The following NCOA7 variants were observed in gnomAD, a reference collection of about 807,000 sequenced individuals.
NCOA7 encodes the protein 140 kDa estrogen receptor-associated protein.
In NCOA7, 45 loss-of-function variants were observed where a neutral mutation model predicts 104.3. The observed-to-expected ratio is 0.43, with a 90% confidence interval of 0.34 to 0.55. NCOA7 has a LOEUF of 0.55. Ranked by LOEUF, NCOA7 falls within the 20% of genes least tolerant of loss-of-function variation. The probability of loss-of-function intolerance (pLI) is 0.02; values close to 1 mark genes in which losing one functional copy is unlikely to be tolerated. For missense variants in NCOA7, 1,041 were observed against 1,119.7 expected, an observed-to-expected ratio of 0.93 and a Z score of 1.00; for synonymous variants, 398 against 402.3, an observed-to-expected ratio of 0.99 and a Z score of 0.13.
At chr6:125,862,095 G>A (rs1327327549) in intron 3 of NCOA7, among the ~76,000 whole-genome samples, 4 of 130,752 alleles carry the variant, frequency 3.1e-5, no homozygotes, top group East Asian at 2.2e-4. Flanking sequence ...TAGGGGAGAC[G>A]TGAATGAAGA....
rs1182817638 is a variant in NCOA7 at position 125,827,449 on chromosome 6, A to G, written c.50+12045A>G. ...ATAGCAGACATTAAAGAAGAACATC[A>G]AATCCATATGTCATTATAAATGGCT... On this transcript the variant is annotated intron_variant, in intron 2 of 15. Transcript: ENST00000392477. 3.3e-5 allele frequency among the ~76,000 whole-genome samples: 5 copies of G among 152,178 alleles called. No individual in the cohort carries two copies. The South Asian group carries it at 6.2e-4, about 19-fold the overall frequency.
At chr6:125,808,997 A>G (rs574871962) in intron 1 of NCOA7, among the ~76,000 whole-genome samples, 9 of 152,358 alleles carry the variant, frequency 5.9e-5, no homozygotes, top group Admixed American at 3.9e-4. Flanking sequence ...TCATTTTGCC[A>G]TGCAAAGATG....
intron 10 of NCOA7, among the ~76,000 whole-genome samples, chr6:125,898,108 T>G (rs977217620): frequency 8.5e-5 from 13 of 152,226 alleles, no homozygotes; most frequent in African/African-American, 3.1e-4. Flanking sequence ...ATTTTTCAAC[T>G]CTCTTTCTAT....
At position 125,839,552 on chromosome 6, in the gene NCOA7, G is replaced by A. The variant is rs183541246; in HGVS notation, c.51-15468G>A. On this transcript the variant is annotated intron_variant, in intron 2 of 15. Transcript: ENST00000392477. ...GGCTAGACCCCATCTAGAAGCTCTC[G>A]AGGCACCTCCCTCCCTCCGCAGCTT... Among the ~76,000 whole-genome samples, 179 of 152,108 alleles carry A rather than the reference G, an allele frequency of 1.2e-3. 1 individual carries two copies. The highest frequency in any genetic ancestry group is 1.4e-3 in the Non-Finnish European group (97 of 68,008).
At chr6:125,860,047 T>C (rs1046993906) in intron 3 of NCOA7, among the ~76,000 whole-genome samples, 4 of 152,192 alleles carry the variant, frequency 2.6e-5, no homozygotes, top group African/African-American at 9.7e-5. Flanking sequence ...ATCCAACACC[T>C]AGCGCAGCAC....
chr6:125,925,819 G>A (rs1001066372), intron 13 of NCOA7, among the ~76,000 whole-genome samples: 4 of 152,032 alleles, frequency 2.6e-5, no homozygotes, highest in Non-Finnish European at 5.9e-5. Context: ...ATTGCTAAAT[G>A]TATTACATTT....
Position 125,893,589 on chromosome 6 carries a change from G to T in NCOA7, c.2096+2779G>T, listed in dbSNP as rs146449610. On this transcript the variant is annotated intron_variant, in intron 10 of 15. Transcript: ENST00000392477. ...AATCTACCAAGTAAGACCATGGAGA[G>T]GGCGGGGCTGTGGGGGGGCCAGAGG... Among the ~76,000 whole-genome samples the T allele has an allele frequency of 1.1e-3, 162 of 152,220 alleles. 1 individual carries two copies. The highest frequency in any genetic ancestry group is 3.7e-3 in the African/African-American group (154 of 41,538).
At chr6:125,918,368 T>G (rs1787261695) in intron 11 of NCOA7, among the ~76,000 whole-genome samples, 1 of 152,202 alleles carries the variant, frequency 6.6e-6, no homozygotes, top group South Asian at 2.1e-4. Context: ...TTGCTGGCAT[T>G]CTGTCCCAGG....
At position 125,869,401 on chromosome 6, in the gene NCOA7, A is replaced by C. The variant is rs980322150; in HGVS notation, c.272-5488A>C. 9.2e-5 allele frequency among the ~76,000 whole-genome samples: 14 copies of C among 151,964 alleles called. 1 individual carries two copies. Among genetic ancestry groups the C allele is most frequent in the Admixed American group, 6.6e-5 (1 of 15,258 alleles). The stretch of plus-strand genomic sequence containing the variant: ...TCAAAAATCTCTTATTTGAATCTCA[A>C]TTTCTTTTTTTGTCTTTTCCCACAG... On this transcript the variant is annotated intron_variant, in intron 3 of 15. Coordinates refer to ENST00000392477, the MANE Select transcript of NCOA7 (RefSeq NM_181782.5).
chr6:125,817,339 G>T (rs1020582971), intron 2 of NCOA7, among the ~76,000 whole-genome samples: 1 of 152,198 alleles, frequency 6.6e-6, no homozygotes, highest in Non-Finnish European at 1.5e-5. Context: ...ATAAAAAAGT[G>T]CAATACTCTT....
chr6:125,914,126 G>A (rs1786832227), intron 10 of NCOA7, among the ~76,000 whole-genome samples: 1 of 152,136 alleles, frequency 6.6e-6, no homozygotes, highest in South Asian at 2.1e-4. Context: ...GAAATAATTC[G>A]AACCATAGTG....
At chr6:125,892,846 T>C (rs1047930869) in intron 10 of NCOA7, among the ~76,000 whole-genome samples, 4 of 152,238 alleles carry the variant, frequency 2.6e-5, no homozygotes, top group Non-Finnish European at 5.9e-5. Context: ...GGAAGTGTTA[T>C]ATTACACTGC....
At chr6:125,905,556 C>G (rs968449033) in intron 10 of NCOA7, among the ~76,000 whole-genome samples, 4 of 152,106 alleles carry the variant, frequency 2.6e-5, no homozygotes, top group Non-Finnish European at 4.4e-5. Flanking sequence ...GCCACCGCAC[C>G]CAGTCAGGAA....
chr6:125,901,933 C>G (rs1785539561), intron 10 of NCOA7, among the ~76,000 whole-genome samples: 1 of 152,152 alleles, frequency 6.6e-6, no homozygotes, highest in African/African-American at 2.4e-5. Flanking sequence ...CTCCGACCGT[C>G]CCCGACCAAA....
chr6:125,844,048 T>G (rs1420476960), intron 2 of NCOA7, among the ~76,000 whole-genome samples: 1 of 152,224 alleles, frequency 6.6e-6, no homozygotes, highest in Non-Finnish European at 1.5e-5. Context: ...CCCCCACACT[T>G]TGGTTACCGG....
chr6:125,928,778 G>A lies in NCOA7; in HGVS notation c.*7G>A. The A allele has an allele frequency of 6.2e-7, 1 of 1,609,546 alleles. No individual in the cohort carries two copies. Among genetic ancestry groups the A allele is most frequent in the Non-Finnish European group, 8.5e-7 (1 of 1,178,678 alleles). ...GGTGTGGGCATTTGATTGAAATTCA[G>A]ACTGCCTTAAAATATAACATTAAAA... On this transcript the variant is annotated 3_prime_UTR_variant, in exon 16 of 16. Transcript: ENST00000392477.
At chr6:125,866,325 G>A (rs556712792) in intron 3 of NCOA7, among the ~76,000 whole-genome samples, 21 of 150,950 alleles carry the variant, frequency 1.4e-4, no homozygotes, top group Admixed American at 9.2e-4. Flanking sequence ...GCGAAATTCC[G>A]TCTCAGAAAA....
Position 125,900,070 on chromosome 6 carries a change from G to C in NCOA7, c.2096+9260G>C, listed in dbSNP as rs548212315. ...ATTGCAAACCTAAATGCCTGCAGGGGCTGTGGAATGGGGGTAAAGGAAGCA... is the reference window on the plus strand; with the variant it reads ...ATTGCAAACCTAAATGCCTGCAGGGCCTGTGGAATGGGGGTAAAGGAAGCA... On this transcript the variant is annotated intron_variant, in intron 10 of 15. Coordinates refer to ENST00000392477, the MANE Select transcript of NCOA7 (RefSeq NM_181782.5). 648 of 531,982 alleles carry C rather than the reference G, an allele frequency of 1.2e-3. 7 individuals are homozygous for C. Among genetic ancestry groups the C allele is most frequent in the South Asian group, 8.9e-3 (636 of 71,410 alleles). 33.0% of individuals were successfully genotyped at this position (531,982 alleles called of 1,614,324 possible). A position where few individuals can be genotyped will look rare whatever the true frequency, so the allele number is the denominator to read the frequency against.
In NCOA7 at chr6:125,865,623, C is replaced by T. The variant is rs565526389; in HGVS notation, c.272-9266C>T. Reference sequence around the variant, plus strand: ...GGTCAATAATTTGAGATGTGTGCATCGCCAATAGAGAAGGTGTTATTTCTT... The same window carrying T: ...GGTCAATAATTTGAGATGTGTGCATTGCCAATAGAGAAGGTGTTATTTCTT... On this transcript the variant is annotated intron_variant, in intron 3 of 15. Coordinates refer to ENST00000392477, the MANE Select transcript of NCOA7 (RefSeq NM_181782.5). 5.1e-5 allele frequency among the ~76,000 whole-genome samples: 7 copies of T among 136,158 alleles called. 1 individual carries two copies. The highest frequency in any genetic ancestry group is 6.2e-5 in the Non-Finnish European group (4 of 64,418). The allele number at this position is 136,158 out of a possible 152,430, so 89.3% of individuals were successfully genotyped here. A position where few individuals can be genotyped will look rare whatever the true frequency, so the allele number is the denominator to read the frequency against.
Sources: allele counts gnomAD v4.1 joint callset (sites outside exome capture counted in the v4.1 genomes callset), GRCh38; gene constraint gnomAD v4.1.1; transcripts MANE v1.5; gene names NCBI Gene and HGNC (gene_info 2026-07-23, HGNC 2026-07-21).